Variants in RERE observed in about 807,000 individuals in gnomAD.
The protein encoded by RERE is arginine-glutamic acid dipeptide repeats protein.
In RERE, 40 loss-of-function variants were observed where a neutral mutation model predicts 146.1. That is an observed-to-expected ratio of 0.27 (90% CI 0.21 to 0.36). The LOEUF (loss-of-function observed/expected upper bound fraction) is 0.36. RERE is among the 10% of genes least tolerant of loss of function. The pLI is 1.00. For synonymous variants in RERE, 1,003 were observed against 866.0 expected (o/e 1.16, Z -2.78); for missense variants, 1,933 against 2,138.7 (o/e 0.90, Z 1.90).
intron 11 of RERE, among the ~76,000 whole-genome samples, chr1:8,447,596 G>C (rs896465001): frequency 1.3e-5 from 2 of 152,208 alleles, no homozygotes; most frequent in African/African-American, 4.8e-5. Context: ...GTCCACTTCA[G>C]AACCTGTTTG....
intron 12 of RERE, among the ~76,000 whole-genome samples, chr1:8,397,032 T>A (rs1244302630): frequency 6.6e-6 from 1 of 152,244 alleles, no homozygotes; most frequent in African/African-American, 2.4e-5. Context: ...GTACTGTGTG[T>A]CTTCCCTGGG....
At chr1:8,691,426 A>G (rs1639204760) in intron 1 of RERE, among the ~76,000 whole-genome samples, 1 of 152,208 alleles carries the variant, frequency 6.6e-6, no homozygotes, top group Admixed American at 6.5e-5. Flanking sequence ...CTGTTCCACA[A>G]GTGTTCGCAC....
At chr1:8,552,660 T>C (rs1018447654) in intron 6 of RERE, among the ~76,000 whole-genome samples, 1 of 152,232 alleles carries the variant, frequency 6.6e-6, no homozygotes, top group Non-Finnish European at 1.5e-5. Flanking sequence ...TTTTTTAAGC[T>C]AATCTACCTT....
intron 12 of RERE, among the ~76,000 whole-genome samples, chr1:8,415,216 A>G (rs1246599560): frequency 6.6e-6 from 1 of 152,224 alleles, no homozygotes; most frequent in Non-Finnish European, 1.5e-5. Flanking sequence ...ACTGTTAACC[A>G]CAGCAACCAC....
chr1:8,588,439 G>A (rs1309412253), intron 4 of RERE, among the ~76,000 whole-genome samples: 2 of 152,024 alleles, frequency 1.3e-5, no homozygotes, highest in Non-Finnish European at 2.9e-5. Context: ...AAGGGTCGTC[G>A]CCTCGTCCAG....
chr1:8,789,624 A>G (rs1641328607), intron 1 of RERE, among the ~76,000 whole-genome samples: 1 of 152,036 alleles, frequency 6.6e-6, no homozygotes, highest in African/African-American at 2.4e-5. Context: ...AATTCCCTTC[A>G]GGTGCCAACA....
rs1229727781 is a variant in RERE at position 8,688,203 on chromosome 1, CAA to C, written c.-144-31764_-144-31763del. 2.6e-5 allele frequency among the ~76,000 whole-genome samples: 4 copies of C among 152,236 alleles called. No homozygotes were observed. In the East Asian group the frequency reaches 5.8e-4, roughly 22 times the overall value. On this transcript the variant is annotated intron_variant, in intron 1 of 22. Transcript: ENST00000400908. ...CTATAATCTCAACACTTTGGAAGGC[CAA>C]GTCAGGAGGATCGCTTGAACCAACG...
chr1:8,531,490 A>T (rs1313671902), intron 7 of RERE, among the ~76,000 whole-genome samples: 4 of 152,044 alleles, frequency 2.6e-5, no homozygotes, highest in African/African-American at 9.7e-5. Flanking sequence ...ACCAACAATA[A>T]AACTAATTTT....
At position 8,410,893 on chromosome 1, in the gene RERE, C is replaced by T. The variant is rs1643596730; in HGVS notation, c.1284+11834G>A. On this transcript the variant is annotated intron_variant, in intron 12 of 22. Coordinates refer to ENST00000400908, the MANE Select transcript of RERE (RefSeq NM_001042681.2). ...AACCGCAGCTCACTATTTTTCTCCCCATGCTCAATAAGTTCAGTAAGTGCT... is the reference window on the plus strand; with the variant it reads ...AACCGCAGCTCACTATTTTTCTCCCTATGCTCAATAAGTTCAGTAAGTGCT... Among the ~76,000 whole-genome samples the T allele has an allele frequency of 1.3e-5, 2 of 152,198 alleles. 1 individual carries two copies. Among genetic ancestry groups the T allele is most frequent in the South Asian group, 4.1e-4 (2 of 4,836 alleles).
intron 1 of RERE, among the ~76,000 whole-genome samples, chr1:8,669,615 T>C (rs565677241): frequency 6.6e-6 from 1 of 152,324 alleles, no homozygotes; most frequent in South Asian, 2.1e-4. Context: ...TTTAAAGCTG[T>C]AAAAACACAG....
At chr1:8,789,438 A>C (rs1641324931) in intron 1 of RERE, among the ~76,000 whole-genome samples, 1 of 150,922 alleles carries the variant, frequency 6.6e-6, no homozygotes, top group African/African-American at 2.4e-5. Context: ...TATCTGACCA[A>C]ACACGAGCAG....
At chr1:8,712,416 C>T (rs1345375225) in intron 1 of RERE, among the ~76,000 whole-genome samples, 1 of 152,188 alleles carries the variant, frequency 6.6e-6, no homozygotes, top group African/African-American at 2.4e-5. Flanking sequence ...ACTGATCATC[C>T]CCTCCAATCT....
chr1:8,803,731 TG>T (rs1250517465), intron 1 of RERE, among the ~76,000 whole-genome samples: 2 of 151,020 alleles, frequency 1.3e-5, no homozygotes, highest in Non-Finnish European at 3.0e-5. Flanking sequence ...CCTGGTTTTT[TG>T]TTTTTTTTTT....
chr1:8,372,109 A>G (rs1482581036), intron 12 of RERE, among the ~76,000 whole-genome samples: 1 of 152,032 alleles, frequency 6.6e-6, no homozygotes, highest in Non-Finnish European at 1.5e-5. Context: ...GGCATGGGGG[A>G]GTGAAAGAGT....
chr1:8,631,232 C>G (rs1647031249), intron 2 of RERE, among the ~76,000 whole-genome samples: 1 of 152,054 alleles, frequency 6.6e-6, no homozygotes, highest in Non-Finnish European at 1.5e-5. Context: ...ATTATCTTCC[C>G]AACTTTAAAA....
intron 7 of RERE, among the ~76,000 whole-genome samples, chr1:8,526,553 T>C (rs1023723954): frequency 2.0e-5 from 3 of 152,126 alleles, no homozygotes; most frequent in Admixed American, 1.3e-4. Flanking sequence ...ACAGACACAG[T>C]GTAGATGGTA....
Position 8,416,367 on chromosome 1 carries a change from C to T in RERE, c.1284+6360G>A, listed in dbSNP as rs567139086. On this transcript the variant is annotated intron_variant, in intron 12 of 22. Coordinates refer to ENST00000400908, the MANE Select transcript of RERE (RefSeq NM_001042681.2). ...TTGGGAGGCCAAGGCGGGCGGATCACAAGGTCAGGAGATCGAGACCATCCT... is the reference window on the plus strand; with the variant it reads ...TTGGGAGGCCAAGGCGGGCGGATCATAAGGTCAGGAGATCGAGACCATCCT... Among the ~76,000 whole-genome samples the T allele has an allele frequency of 4.9e-4, 75 of 152,164 alleles. No homozygotes were observed. In the South Asian group the frequency reaches 7.9e-3, roughly 16 times the overall value.
rs1364332646 is a variant in RERE at position 8,367,918 on chromosome 1, T to TA, written c.1285-1945dup. Among the ~76,000 whole-genome samples the TA allele has an allele frequency of 2.0e-5, 3 of 152,202 alleles. 1 individual carries two copies. Among genetic ancestry groups the TA allele is most frequent in the Non-Finnish European group, 4.4e-5 (3 of 68,038 alleles). On this transcript the variant is annotated intron_variant, in intron 12 of 22. Transcript: ENST00000400908. ...AGATTCGTAAATCCCACTAGGGGGT[T>TA]ACAAGATCACTGCTGACATAAACGC...
intron 12 of RERE, among the ~76,000 whole-genome samples, chr1:8,371,427 C>T (rs1323695042): frequency 6.6e-6 from 1 of 152,118 alleles, no homozygotes; most frequent in African/African-American, 2.4e-5. Flanking sequence ...GAAGGGAGTG[C>T]CACACATGGA....
Sources: allele counts gnomAD v4.1 joint callset (sites outside exome capture counted in the v4.1 genomes callset), GRCh38; gene constraint gnomAD v4.1.1; transcripts MANE v1.5; gene names NCBI Gene and HGNC (gene_info 2026-07-23, HGNC 2026-07-21).